GALNT14: variants seen among roughly 807,000 people sequenced by gnomAD.
GALNT14 encodes polypeptide N-acetylgalactosaminyltransferase 14.
GALNT14 carries 60 observed loss-of-function variants against 77.5 expected under a neutral mutation model. The observed-to-expected ratio is 0.77, with a 90% CI of 0.63 to 0.96. The LOEUF (loss-of-function observed/expected upper bound fraction) is 0.96. Among genes scored for constraint, GALNT14 ranks in the 40% least tolerant of loss-of-function variants. GALNT14 has a pLI of 0.00. For missense variants in GALNT14, 710 were observed against 731.0 expected (o/e 0.97, Z 0.33); for synonymous variants, 280 against 281.7 (o/e 0.99, Z 0.06).
the GALNT14 span, among the ~76,000 whole-genome samples, chr2:30,902,549 T>C: frequency 6.6e-6 from 1 of 152,034 alleles, no homozygotes; most frequent in East Asian, 1.9e-4. Context: ...AGATGAGGTG[T>C]GTTTGTCCCC....
chr2:30,937,296 C>T (rs1666112043), intron 9 of GALNT14, among the ~76,000 whole-genome samples: 2 of 152,202 alleles, frequency 1.3e-5, no homozygotes, highest in Non-Finnish European at 2.9e-5. Context: ...TTTGCAACAG[C>T]CCTGTGATGT....
intron 3 of GALNT14, among the ~76,000 whole-genome samples, chr2:30,963,607 T>C (rs571556037): frequency 1.3e-5 from 2 of 152,190 alleles, no homozygotes; most frequent in Admixed American, 6.5e-5. Context: ...CCCCCAAATG[T>C]CTGAGACATT....
intron 1 of GALNT14, among the ~76,000 whole-genome samples, chr2:31,008,235 C>T (rs569219274): frequency 2.6e-5 from 4 of 152,156 alleles, no homozygotes; most frequent in Non-Finnish European, 5.9e-5. Context: ...ACTACAGGCA[C>T]ACGACACCAT....
intron 1 of GALNT14, among the ~76,000 whole-genome samples, chr2:31,130,227 T>C (rs1678908622): frequency 1.3e-5 from 2 of 152,228 alleles, no homozygotes; most frequent in South Asian, 2.1e-4. Flanking sequence ...TGGCTCTGTA[T>C]TCCCAGCGAT....
At chr2:31,092,177 C>T (rs550519973) in intron 1 of GALNT14, among the ~76,000 whole-genome samples, 2 of 152,180 alleles carry the variant, frequency 1.3e-5, no homozygotes, top group Admixed American at 1.3e-4. Flanking sequence ...CTTAGACTGG[C>T]TTCTTTGCTC....
At chr2:31,107,991 C>T (rs1449289977) in intron 1 of GALNT14, among the ~76,000 whole-genome samples, 5 of 152,202 alleles carry the variant, frequency 3.3e-5, no homozygotes, top group Admixed American at 1.3e-4. Context: ...CACACACTCA[C>T]GCTGAAACAC....
In GALNT14 at chr2:30,966,194, G is replaced by A. The variant is rs777205466; in HGVS notation, c.398+10C>T. On this transcript the variant is annotated intron_variant, in intron 3 of 14. Coordinates refer to ENST00000349752, the MANE Select transcript of GALNT14 (RefSeq NM_024572.4). ...CAGAGCTGGCCAACAGACAAGCAAG[G>A]ATGCCTCACCTGCGGATGGTCCTGA... The A allele has an allele frequency of 3.7e-6, 6 of 1,611,894 alleles. No homozygotes were observed. In the African/African-American group the frequency reaches 5.3e-5, roughly 14 times the overall value.
intron 1 of GALNT14, among the ~76,000 whole-genome samples, chr2:31,039,379 A>T (rs1046586559): frequency 6.6e-6 from 1 of 152,198 alleles, no homozygotes; most frequent in Non-Finnish European, 1.5e-5. Flanking sequence ...GCACAGAAAA[A>T]CCATTGAGGT....
At chr2:30,911,673 C>A (rs1172925101) in intron 14 of GALNT14, among the ~76,000 whole-genome samples, 1 of 152,196 alleles carries the variant, frequency 6.6e-6, no homozygotes, top group Admixed American at 6.5e-5. Context: ...AATGGACATC[C>A]AGAGAGGTCC....
Position 30,996,396 on chromosome 2 carries a change from C to G in GALNT14, c.130-3389G>C, listed in dbSNP as rs1013276140. ...CACACGTGGAGGACAAGGAGACCAG[C>G]TGGGAAGCGGCCTCAGCCATCTAGC... is the stretch of plus-strand genomic sequence containing the variant. On this transcript the variant is annotated intron_variant, in intron 1 of 14. Coordinates refer to ENST00000349752, the MANE Select transcript of GALNT14 (RefSeq NM_024572.4). Among the ~76,000 whole-genome samples, 4 of 152,344 alleles carry G rather than the reference C, an allele frequency of 2.6e-5. No individual in the cohort carries two copies. In the South Asian group the frequency reaches 6.2e-4, roughly 24 times the overall value.
intron 13 of GALNT14, among the ~76,000 whole-genome samples, chr2:30,914,486 G>C (rs572885806): frequency 6.6e-6 from 1 of 152,280 alleles, no homozygotes; most frequent in Admixed American, 6.5e-5. Flanking sequence ...ATGAAAAGAT[G>C]AACAAAGGTT....
At chr2:31,090,481 C>CTT (rs70962302) in intron 1 of GALNT14, among the ~76,000 whole-genome samples, 51 of 93,252 alleles carry the variant, frequency 5.5e-4, no homozygotes, top group South Asian at 1.2e-3. Flanking sequence ...GTCCCTTCAT[C>CTT]TTTTTTTTTT....
At chr2:30,968,251 G>A (rs958875329) in intron 2 of GALNT14, among the ~76,000 whole-genome samples, 2 of 152,204 alleles carry the variant, frequency 1.3e-5, no homozygotes, top group South Asian at 2.1e-4. Context: ...TGCGTTCCTA[G>A]GTCAGCTGAA....
At chr2:31,057,424 T>TAC (rs1342331591) in intron 1 of GALNT14, among the ~76,000 whole-genome samples, 71 of 146,940 alleles carry the variant, frequency 4.8e-4, no homozygotes, top group African/African-American at 1.8e-3. Context: ...TATATATATA[T>TAC]ATACACACAC....
At chr2:31,004,307 G>A (rs569492832) in intron 1 of GALNT14, among the ~76,000 whole-genome samples, 1 of 152,320 alleles carries the variant, frequency 6.6e-6, no homozygotes, top group South Asian at 2.1e-4. Context: ...TGGAAGCACA[G>A]GAGGGTGAAT....
chr2:31,081,856 T>G (rs1380807947), intron 1 of GALNT14, among the ~76,000 whole-genome samples: 1 of 152,230 alleles, frequency 6.6e-6, no homozygotes, highest in Non-Finnish European at 1.5e-5. Flanking sequence ...TCTTCCTGAC[T>G]AGTGATTCAA....
intron 1 of GALNT14, among the ~76,000 whole-genome samples, chr2:31,033,381 A>C (rs1672529511): frequency 6.6e-6 from 1 of 152,098 alleles, no homozygotes; most frequent in Non-Finnish European, 1.5e-5. Flanking sequence ...CTGAAATCTC[A>C]ACACAAGACT....
chr2:30,895,405 G>C, the GALNT14 span, among the ~76,000 whole-genome samples: 1 of 152,112 alleles, frequency 6.6e-6, no homozygotes, highest in African/African-American at 2.4e-5. Context: ...GGGTGCTATG[G>C]GGACACAAAG....
intron 6 of GALNT14, among the ~76,000 whole-genome samples, chr2:30,948,375 C>T (rs1333309486): frequency 6.6e-6 from 1 of 152,196 alleles, no homozygotes; most frequent in Non-Finnish European, 1.5e-5. Context: ...CTTTGTTTAC[C>T]TGGGGCTGTG....
Sources: allele counts gnomAD v4.1 joint callset (sites outside exome capture counted in the v4.1 genomes callset), GRCh38; gene constraint gnomAD v4.1.1; transcripts MANE v1.5; gene names NCBI Gene and HGNC (gene_info 2026-07-23, HGNC 2026-07-21).